Variants in ZNF844 observed in about 807,000 individuals in gnomAD.
ZNF844 encodes the protein zinc finger protein 844.
In ZNF844, 11 loss-of-function variants were observed where a neutral mutation model predicts 11.4. The observed-to-expected ratio is 0.97, with a 90% CI of 0.61 to 1.60. The LOEUF is 1.60. ZNF844 is among the 40% of genes most tolerant of loss of function. The probability of loss-of-function intolerance (pLI) is 0.00; values close to 1 mark genes in which losing one functional copy is unlikely to be tolerated. For missense variants in ZNF844, 790 were observed against 796.8 expected (o/e 0.99, Z 0.10); for synonymous variants, 248 against 260.3 (o/e 0.95, Z 0.46).
Position 12,075,627 on chromosome 19 carries a change from T to A in ZNF844, c.507T>A (p.Tyr169Ter). The A allele has an allele frequency of 6.2e-7, 1 of 1,613,110 alleles. No individual in the cohort carries two copies. Among genetic ancestry groups the A allele is most frequent in the Non-Finnish European group, 8.5e-7 (1 of 1,179,734 alleles). The change falls in exon 4 of 4, where the codon TAT becomes TAA. Residue 169 changes from tyrosine to a stop codon, truncating the protein, a stop_gained. Coordinates refer to ENST00000439326, the MANE Select transcript of ZNF844 (RefSeq NM_001136501.3). LOFTEE classifies it low-confidence loss of function (END_TRUNC). ...AGGCTCACACTGGAGAAAAACTCTATGATTGTAAAGAATGTGGAAAAACCT... is the reference window on the plus strand; with the variant it reads ...AGGCTCACACTGGAGAAAAACTCTAAGATTGTAAAGAATGTGGAAAAACCT... The part of the protein sequence containing the change: ...QEKAHTGEKL[Y>*]DCKECGKTFI...
intron 1 of ZNF844, among the ~76,000 whole-genome samples, chr19:12,067,607 CAAAAAAAA>C (rs772282496): frequency 2.2e-3 from 83 of 37,444 alleles, no homozygotes; most frequent in Middle Eastern, 0.013. Flanking sequence ...AACTCTGTCT[CAAAAAAAA>C]AAAAAAAAAA....
chr19:12,064,756 A>C lies in ZNF844; in HGVS notation c.-118A>C. 1 of 1,080,162 alleles carries C rather than the reference A, an allele frequency of 9.3e-7. No homozygotes were observed. The highest frequency in any genetic ancestry group is 1.3e-6 in the Non-Finnish European group (1 of 754,226). The allele number at this position is 1,080,162 out of a possible 1,614,324, so 66.9% of individuals were successfully genotyped here. A position where few individuals can be genotyped will look rare whatever the true frequency, so the allele number is the denominator to read the frequency against. ...AGTCTTTGGCCCCTCCCGCCGGGTG[A>C]GGTTGGCACCCCGTTTTTCCTGCTC... On this transcript the variant is annotated 5_prime_UTR_variant, in exon 1 of 4. Transcript: ENST00000439326.
Position 12,080,374 on chromosome 19 carries a change from C to A in ZNF844, c.*3253C>A. On this transcript the variant is annotated 3_prime_UTR_variant, in exon 4 of 4. Coordinates refer to ENST00000439326, the MANE Select transcript of ZNF844 (RefSeq NM_001136501.3). Reference sequence around the variant, plus strand: ...AAAAAAAAAAAAAAAAAAGAGAAGTCTGACAGGACAATAAAATTTAGAAAT... The same window carrying A: ...AAAAAAAAAAAAAAAAAAGAGAAGTATGACAGGACAATAAAATTTAGAAAT... The A allele has an allele frequency of 2.8e-6, 1 of 362,774 alleles. No individual in the cohort carries two copies. The highest frequency in any genetic ancestry group is 5.3e-6 in the Non-Finnish European group (1 of 189,604). The allele number at this position is 362,774 out of a possible 1,614,324, so 22.5% of individuals were successfully genotyped here. A position where few individuals can be genotyped will look rare whatever the true frequency, so the allele number is the denominator to read the frequency against.
chr19:12,075,933 T>C lies in ZNF844; in HGVS notation c.813T>C (p.His271=), dbSNP rs561441579. The C allele has an allele frequency of 9.0e-5, 144 of 1,600,300 alleles. No homozygotes were observed. Among genetic ancestry groups the C allele is most frequent in the Non-Finnish European group, 1.2e-4 (135 of 1,172,574 alleles). Residue 271 remains histidine, a synonymous_variant, in exon 4 of 4, where the codon CAT becomes CAC. Transcript: ENST00000439326. ...AFGSPNSLYE[H]RRTHTGEKPY... ...GTAGTCCCAATTCCCTTTATGAACATAGAAGAACTCACACTGGAGAGAAGC... is the reference window on the plus strand; with the variant it reads ...GTAGTCCCAATTCCCTTTATGAACACAGAAGAACTCACACTGGAGAGAAGC...
intron 1 of ZNF844, among the ~76,000 whole-genome samples, chr19:12,068,771 T>C (rs1315601988): frequency 6.6e-6 from 1 of 152,254 alleles, no homozygotes; most frequent in Non-Finnish European, 1.5e-5. Flanking sequence ...AAATGCCTTA[T>C]AATTTCCTTT....
chr19:12,066,656 C>T (rs981174445), intron 1 of ZNF844, among the ~76,000 whole-genome samples: 5 of 150,274 alleles, frequency 3.3e-5, no homozygotes, highest in Non-Finnish European at 4.4e-5. Flanking sequence ...ACGCCATTCT[C>T]CTGCCTCAGC....
chr19:12,077,350 A>G lies in ZNF844; in HGVS notation c.*229A>G. 2 of 846,020 alleles carry G rather than the reference A, an allele frequency of 2.4e-6. No individual in the cohort carries two copies. Among genetic ancestry groups the G allele is most frequent in the South Asian group, 1.3e-5 (1 of 74,220 alleles). The allele number at this position is 846,020 out of a possible 1,614,324, so 52.4% of individuals were successfully genotyped here. ...ATTTCTTTCAGTTCCATTCAGTACC[A>G]TGAAAGGACTCACACTGGAGAGAAA... On this transcript the variant is annotated 3_prime_UTR_variant, in exon 4 of 4. Coordinates refer to ENST00000439326, the MANE Select transcript of ZNF844 (RefSeq NM_001136501.3).
intron 3 of ZNF844, among the ~76,000 whole-genome samples, chr19:12,074,973 C>T (rs1001204316): frequency 6.6e-6 from 1 of 152,026 alleles, no homozygotes; most frequent in Non-Finnish European, 1.5e-5. Flanking sequence ...TATAGATAGG[C>T]CATCTTATAG....
intron 1 of ZNF844, among the ~76,000 whole-genome samples, chr19:12,067,943 A>AGGAAAGAAGGAAGGAAG (rs1975709191): frequency 1.3e-5 from 1 of 79,356 alleles, no homozygotes; most frequent in Admixed American, 1.1e-4. Flanking sequence ...AAAGAAAGAA[A>AGGAAAGAAGGAAGGAAG]GAAGGAAAGA....
rs760424606 is a variant in ZNF844 at position 12,076,326 on chromosome 19, C to T, written c.1206C>T (p.Ile402=). The T allele has an allele frequency of 5.0e-6, 8 of 1,612,824 alleles. No homozygotes were observed. The highest frequency in any genetic ancestry group is 2.2e-5 in the East Asian group (1 of 44,764). ...CAAGCACTGTGGTAAAGCCTTCAAT[C>T]GTTCCAGTTCCTTTCACTATCATGA... is the stretch of plus-strand genomic sequence containing the variant. ...MNASTVVKPS[I]VPVPFTIMKG... The change falls in exon 4 of 4, where the codon ATC becomes ATT. Residue 402 remains isoleucine (I), a synonymous_variant. Transcript: ENST00000439326.
Position 12,075,488 on chromosome 19 carries a change from G to A in ZNF844, c.368G>A (p.Arg123Lys), listed in dbSNP as rs1186454820. The change falls in exon 4 of 4, where the codon AGA becomes AAA. Residue 123 changes from arginine to lysine, a missense_variant. Around this residue, in one of 3 missense-constraint regions of ZNF844, gnomAD observed 129 missense variants for 144.0 expected, o/e 0.90. Coordinates refer to ENST00000439326, the MANE Select transcript of ZNF844 (RefSeq NM_001136501.3). ...VGHSSLNRHI[R>K]ADTAHKPSEY... Reference sequence around the variant, plus strand: ...CATTCTTCCCTTAATAGGCACATTAGAGCTGACACTGCACACAAGCCGTCT... The same window carrying A: ...CATTCTTCCCTTAATAGGCACATTAAAGCTGACACTGCACACAAGCCGTCT... The A allele has an allele frequency of 1.2e-6, 2 of 1,613,646 alleles. No individual in the cohort carries two copies. The highest frequency in any genetic ancestry group is 4.5e-5 in the East Asian group (2 of 44,812).
intron 1 of ZNF844, among the ~76,000 whole-genome samples, chr19:12,073,351 G>T (rs1800764956): frequency 6.6e-6 from 1 of 151,962 alleles, no homozygotes; most frequent in Non-Finnish European, 1.5e-5. Context: ...TAGAGACAGG[G>T]TTTCTCCATG....
chr19:12,075,624 CTA>C lies in ZNF844; in HGVS notation c.506_507del (p.Tyr169Ter), dbSNP rs769343140. Reference protein sequence around the residue: ...QEKAHTGEKLYDCKECGKTFI... With the variant: ...QEKAHTGEKLXDCKECGKTFI... ...AAAAGGCTCACACTGGAGAAAAACT[CTA>C]TGATTGTAAAGAATGTGGAAAAACC... is the stretch of plus-strand genomic sequence containing the variant. On this transcript the variant is annotated frameshift_variant, in exon 4 of 4. Coordinates refer to ENST00000439326, the MANE Select transcript of ZNF844 (RefSeq NM_001136501.3). LOFTEE classifies it low-confidence loss of function (END_TRUNC). 2.5e-6 allele frequency: 4 copies of C among 1,612,752 alleles called. No individual in the cohort carries two copies. The highest frequency in any genetic ancestry group is 1.7e-6 in the Non-Finnish European group (2 of 1,179,708).
chr19:12,068,575 T>G (rs1441566182), intron 1 of ZNF844, among the ~76,000 whole-genome samples: 1 of 152,114 alleles, frequency 6.6e-6, no homozygotes, highest in Non-Finnish European at 1.5e-5. Context: ...GAGGTTGTAG[T>G]GAGCCAAGAT....
At chr19:12,066,930 G>A (rs1271845422) in intron 1 of ZNF844, among the ~76,000 whole-genome samples, 1 of 152,156 alleles carries the variant, frequency 6.6e-6, no homozygotes, top group Non-Finnish European at 1.5e-5. Flanking sequence ...CAGTTGGCTA[G>A]ATCTCTTTGA....
intron 1 of ZNF844, among the ~76,000 whole-genome samples, chr19:12,072,012 A>C (rs1234419117): frequency 6.6e-6 from 1 of 151,228 alleles, no homozygotes; most frequent in African/African-American, 2.4e-5. Context: ...TCAGCCTCCC[A>C]AGTAGCTGGG....
chr19:12,072,431 AT>A (rs56105048), intron 1 of ZNF844, among the ~76,000 whole-genome samples: 22,550 of 144,706 alleles, frequency 0.16, 2,710 homozygotes, highest in African/African-American at 0.34. Context: ...CTGGAAGAAA[AT>A]TTTTTTTTTT....
chr19:12,075,096 C>T (rs1387931240), intron 3 of ZNF844, among the ~76,000 whole-genome samples: 1 of 151,912 alleles, frequency 6.6e-6, no homozygotes, highest in Non-Finnish European at 1.5e-5. Context: ...GGAGATATAC[C>T]TAATGCTAAA....
Position 12,076,743 on chromosome 19 carries a change from G to A in ZNF844, c.1623G>A (p.Leu541=), listed in dbSNP as rs753835058. The A allele has an allele frequency of 1.0e-4, 161 of 1,604,346 alleles. No individual in the cohort carries two copies. Among genetic ancestry groups the A allele is most frequent in the Non-Finnish European group, 2.2e-5 (26 of 1,175,406 alleles). Reference sequence around the variant, plus strand: ...ATCTAAACAATGTGAAAAAACCTTTGGATCTGTCAGAAACCTTCAAATTCA... The same window carrying A: ...ATCTAAACAATGTGAAAAAACCTTTAGATCTGTCAGAAACCTTCAAATTCA... The part of the protein sequence containing the change: ...CMNLNNVKKP[L]DLSETFKFMK... The change falls in exon 4 of 4, where the codon TTG becomes TTA. Residue 541 remains leucine, a synonymous_variant. Transcript: ENST00000439326.
Sources: gnomAD v4.1 joint callset for allele counts (sites outside exome capture counted in the v4.1 genomes callset) on GRCh38, gnomAD v4.1.1 for gene constraint, gnomAD v4.1.1 regional missense constraint, MANE v1.5 for transcripts, NCBI Gene and HGNC (gene_info 2026-07-23, HGNC 2026-07-21) for gene names.